The following MYO1E variants were observed in gnomAD, a reference collection of about 807,000 sequenced individuals.
MYO1E encodes the protein unconventional myosin-Ie.
Under a neutral mutation model 151.1 loss-of-function variants are expected in MYO1E, and 68 were observed. The ratio of observed to expected loss-of-function variants is 0.45; its 90% CI spans 0.37 to 0.55. The LOEUF (loss-of-function observed/expected upper bound fraction) is 0.55, where lower values mean the gene tolerates loss of function less well. Ranked by LOEUF, MYO1E falls within the 20% of genes least tolerant of loss-of-function variation. The pLI is 0.00. For synonymous variants in MYO1E, 601 were observed against 501.7 expected, an observed-to-expected ratio of 1.20 and a Z score of -2.64; for missense variants, 1,363 against 1,389.3, an observed-to-expected ratio of 0.98 and a Z score of 0.30.
In MYO1E at chr15:59,278,402, G is replaced by C. The variant is rs76584588; in HGVS notation, c.4-5953C>G. 7.5e-3 allele frequency among the ~76,000 whole-genome samples: 1,143 copies of C among 152,284 alleles called. 12 individuals carry two copies. Among genetic ancestry groups the C allele is most frequent in the African/African-American group, 0.026 (1,085 of 41,552 alleles). On this transcript the variant is annotated intron_variant, in intron 1 of 27. Transcript: ENST00000288235. ...TTTTCTGTCTCCGTGAGTAATAACA[G>C]GAAAGGGACTACCTATTTTAATTTT...
chr15:59,367,661 A>C (rs1186205562), intron 1 of MYO1E, among the ~76,000 whole-genome samples: 1 of 152,250 alleles, frequency 6.6e-6, no homozygotes, highest in African/African-American at 2.4e-5. Context: ...ACTGAATGCC[A>C]CTACTGGGTA....
At chr15:59,299,920 C>G (rs1269424908) in intron 1 of MYO1E, among the ~76,000 whole-genome samples, 1 of 152,170 alleles carries the variant, frequency 6.6e-6, no homozygotes, top group Non-Finnish European at 1.5e-5. Context: ...ATCTCAATGC[C>G]CAGCTGTGAG....
chr15:59,288,012 T>C (rs554193733), intron 1 of MYO1E, among the ~76,000 whole-genome samples: 2 of 152,350 alleles, frequency 1.3e-5, no homozygotes, highest in South Asian at 4.1e-4. Flanking sequence ...GCCTGCCATG[T>C]TCCTGATGGG....
chr15:59,161,600 T>C (rs2079538716), intron 23 of MYO1E, among the ~76,000 whole-genome samples: 1 of 152,158 alleles, frequency 6.6e-6, no homozygotes, highest in Admixed American at 6.5e-5. Flanking sequence ...TTCCAGCTGT[T>C]GTCCCTGATT....
In MYO1E at chr15:59,242,865, C is replaced by T. The variant is rs138109417; in HGVS notation, c.333-6193G>A. Among the ~76,000 whole-genome samples, 214 of 152,178 alleles carry T rather than the reference C, an allele frequency of 1.4e-3. 3 individuals carry two copies. Among genetic ancestry groups the T allele is most frequent in the Middle Eastern group, 0.014 (4 of 294 alleles). ...GCCTGGTCACGAGGAAATGGGTAGACTCAGCCTGAAGTCATCCCACAAAAT... is the reference window on the plus strand; with the variant it reads ...GCCTGGTCACGAGGAAATGGGTAGATTCAGCCTGAAGTCATCCCACAAAAT... On this transcript the variant is annotated intron_variant, in intron 4 of 27. Transcript: ENST00000288235.
At chr15:59,171,181 A>C (rs1327280115) in intron 22 of MYO1E, 1 of 155,422 alleles carries the variant, frequency 6.4e-6, no homozygotes, top group South Asian at 2.0e-4. Flanking sequence ...GCATGGGAGG[A>C]CTCCTAGTCT....
intron 1 of MYO1E, among the ~76,000 whole-genome samples, chr15:59,325,768 G>A (rs1384178526): frequency 6.6e-6 from 1 of 152,186 alleles, no homozygotes; most frequent in Non-Finnish European, 1.5e-5. Flanking sequence ...ACAGGAGCAG[G>A]TGTCCATTTC....
At chr15:59,140,183 A>G (rs1208978704) in intron 26 of MYO1E, among the ~76,000 whole-genome samples, 1 of 152,050 alleles carries the variant, frequency 6.6e-6, no homozygotes, top group African/African-American at 2.4e-5. Flanking sequence ...CACTGTCATA[A>G]TTATTAAAAA....
rs761790029 is a variant in MYO1E, at chr15:59,224,742, C to T, written c.724G>A (p.Gly242Ser). The change falls in exon 8 of 28, where the codon GGC (glycine) becomes AGC (serine). Residue 242 changes from glycine (G) to serine (S), a missense_variant. Physicochemically the swap from Gly to Ser is moderately conservative, Grantham distance 56. Coordinates refer to ENST00000288235, the MANE Select transcript of MYO1E (RefSeq NM_004998.4). ...MDYYYYLSLSGSYKVDDIDDR... is the reference protein window; with the variant it reads ...MDYYYYLSLSSSYKVDDIDDR... ...TCAATGTCATCAACCTTGTATGAGC[C>T]CGAGAGGCTCAGGTAGTAATAATAG... is the stretch of plus-strand genomic sequence containing the variant. The T allele has an allele frequency of 1.2e-6, 2 of 1,614,194 alleles. No homozygotes were observed. The highest frequency in any genetic ancestry group is 2.2e-5 in the South Asian group (2 of 91,080).
In MYO1E at chr15:59,161,148, C is replaced by T. The variant is rs376625537; in HGVS notation, c.2710G>A (p.Gly904Arg). The change falls in exon 24 of 28, where the codon GGG becomes AGG. Residue 904 changes from glycine to arginine, a missense_variant. Gly to Arg is a moderately radical substitution (Grantham distance 125). Transcript: ENST00000288235. ...SRQVQFHQGF[G>R]DLAVLKPSNK... ...CTGGGCTTGAGGACAGCCAGGTCCC[C>T]AAACCCTTGGTGGAACTGCACTTGC... 6.2e-7 allele frequency: 1 copy of T among 1,614,000 alleles called. No homozygotes were observed.
rs1301787493 is a variant in MYO1E, at chr15:59,224,551, G to A, written c.777+138C>T. On this transcript the variant is annotated intron_variant, in intron 8 of 27. Transcript: ENST00000288235. Reference sequence around the variant, plus strand: ...TGTTTAAGGATACTGAAACATGTATGAGCATACAGAGTGCTCACAGAGAAA... The same window carrying A: ...TGTTTAAGGATACTGAAACATGTATAAGCATACAGAGTGCTCACAGAGAAA... 4 of 1,152,406 alleles carry A rather than the reference G, an allele frequency of 3.5e-6. No homozygotes were observed. In the African/African-American group the frequency reaches 6.1e-5, roughly 17 times the overall value. The allele number at this position is 1,152,406 out of a possible 1,614,324, so 71.4% of individuals were successfully genotyped here. A position where few individuals can be genotyped will look rare whatever the true frequency, so the allele number is the denominator to read the frequency against.
intron 10 of MYO1E, among the ~76,000 whole-genome samples, chr15:59,215,230 A>G (rs745641741): frequency 3.9e-5 from 6 of 152,328 alleles, no homozygotes; most frequent in African/African-American, 1.4e-4. Flanking sequence ...AACAATAGTC[A>G]TTATTTTTGA....
At chr15:59,235,500 C>T (rs1435325240) in intron 5 of MYO1E, among the ~76,000 whole-genome samples, 3 of 152,162 alleles carry the variant, frequency 2.0e-5, no homozygotes, top group East Asian at 1.9e-4. Flanking sequence ...TCAGTACAAT[C>T]GGTACATGAA....
intron 1 of MYO1E, among the ~76,000 whole-genome samples, chr15:59,337,968 G>A (rs1275650590): frequency 2.0e-5 from 3 of 152,154 alleles, no homozygotes; most frequent in Non-Finnish European, 4.4e-5. Context: ...TGGCTAATAT[G>A]GTTAAATTAA....
At chr15:59,307,864 C>G (rs895363353) in intron 1 of MYO1E, among the ~76,000 whole-genome samples, 5 of 151,652 alleles carry the variant, frequency 3.3e-5, no homozygotes, top group Non-Finnish European at 7.4e-5. Context: ...CCCGCCTCAG[C>G]CTCCCAAAGT....
chr15:59,314,238 C>T (rs540368050), intron 1 of MYO1E, among the ~76,000 whole-genome samples: 2 of 152,294 alleles, frequency 1.3e-5, no homozygotes, highest in East Asian at 3.9e-4. Context: ...TTCCCCATCC[C>T]CTGAATATGA....
chr15:59,283,569 C>G (rs771297323), intron 1 of MYO1E, among the ~76,000 whole-genome samples: 1 of 152,198 alleles, frequency 6.6e-6, no homozygotes, highest in Non-Finnish European at 1.5e-5. Context: ...ATGGGCAGCC[C>G]CCAAGTATTT....
intron 1 of MYO1E, among the ~76,000 whole-genome samples, chr15:59,319,670 G>A (rs570078643): frequency 5.7e-4 from 84 of 147,530 alleles, no homozygotes; most frequent in Non-Finnish European, 1.2e-3. Context: ...TTGAGAGGCC[G>A]AGGCATGCGG....
intron 1 of MYO1E, among the ~76,000 whole-genome samples, chr15:59,312,816 C>T (rs963773384): frequency 1.3e-5 from 2 of 151,966 alleles, no homozygotes; most frequent in East Asian, 1.9e-4. Flanking sequence ...GTCTGGAGAT[C>T]GAGACCATCT....
Sources: allele counts gnomAD v4.1 joint callset (sites outside exome capture counted in the v4.1 genomes callset), GRCh38; gene constraint gnomAD v4.1.1; transcripts MANE v1.5; gene names NCBI Gene and HGNC (gene_info 2026-07-23, HGNC 2026-07-21).